Variants in NEK10 observed in about 807,000 individuals in gnomAD.
NEK10 encodes the protein NIMA related kinase 10.
NEK10 carries 122 observed loss-of-function variants against 159.8 expected under a neutral mutation model. The ratio of observed to expected loss-of-function variants is 0.76; its 90% confidence interval spans 0.66 to 0.89. NEK10 has a LOEUF of 0.89. Ranked by LOEUF, NEK10 falls within the 40% of genes least tolerant of loss-of-function variation. NEK10 has a pLI of 0.00. For synonymous variants in NEK10, 466 were observed against 457.1 expected (o/e 1.02, Z -0.25); for missense variants, 1,342 against 1,323.1 (o/e 1.01, Z -0.22).
At chr3:27,111,368 T>C (rs1939506441) in intron 35 of NEK10, 48 bp from the exon 36 acceptor site, 4 of 1,422,434 alleles carry the variant, frequency 2.8e-6, no homozygotes, top group Middle Eastern at 1.8e-4. Flanking sequence ...ACAAATATTT[T>C]AGTTCATACA....
chr3:27,254,837 C>T lies in NEK10; in HGVS notation c.2090+1459G>A, dbSNP rs147174600. Among the ~76,000 whole-genome samples, 727 of 151,666 alleles carry T rather than the reference C, an allele frequency of 4.8e-3. 4 individuals carry two copies. Among genetic ancestry groups the T allele is most frequent in the African/African-American group, 0.016 (678 of 41,328 alleles). ...TAAAAATTAAATGAAAATGTGAAGC[C>T]GTGTTTGCGCTAATACGGCAAAAAA... On this transcript the variant is annotated intron_variant, in intron 23 of 35. Coordinates refer to ENST00000691995, the MANE Select transcript of NEK10 (RefSeq NM_001394966.1).
At chr3:27,151,275 A>G (rs895370354) in intron 30 of NEK10, among the ~76,000 whole-genome samples, 1 of 152,098 alleles carries the variant, frequency 6.6e-6, no homozygotes, top group African/African-American at 2.4e-5. Flanking sequence ...CACCTCCACC[A>G]GAACAGGCAC....
chr3:27,166,573 C>T (rs544648247), intron 29 of NEK10, among the ~76,000 whole-genome samples: 8 of 152,168 alleles, frequency 5.3e-5, no homozygotes, highest in Non-Finnish European at 1.0e-4. Flanking sequence ...TTTTAAGAGG[C>T]AAGATCCACA....
chr3:27,277,876 T>C (rs2041882164), intron 22 of NEK10, among the ~76,000 whole-genome samples: 1 of 152,220 alleles, frequency 6.6e-6, no homozygotes, highest in Admixed American at 6.5e-5. Flanking sequence ...GTTTCCCATG[T>C]TCTGTCTTTC....
intron 31 of NEK10, among the ~76,000 whole-genome samples, chr3:27,133,498 G>A (rs1306858791): frequency 2.0e-5 from 3 of 152,138 alleles, no homozygotes; most frequent in African/African-American, 7.2e-5. Context: ...TCTTTGGCTG[G>A]GTGCAGTGGC....
chr3:27,326,565 AAAAAG>A (rs747509879), intron 5 of NEK10, among the ~76,000 whole-genome samples: 1 of 150,848 alleles, frequency 6.6e-6, no homozygotes, highest in Admixed American at 6.6e-5. Context: ...ACCTCCCAGG[AAAAAG>A]AAAAGAACAA....
At chr3:27,184,626 A>AGG (rs1948446767) in intron 26 of NEK10, among the ~76,000 whole-genome samples, 1 of 152,238 alleles carries the variant, frequency 6.6e-6, no homozygotes, top group Admixed American at 6.5e-5. Context: ...GAAGCCTATA[A>AGG]GGCATTGCTT....
At chr3:27,111,731 A>T (rs1939577918) in intron 35 of NEK10, among the ~76,000 whole-genome samples, 1 of 152,208 alleles carries the variant, frequency 6.6e-6, no homozygotes, top group African/African-American at 2.4e-5. Flanking sequence ...TTAAAAATAA[A>T]ATATTAATGT....
chr3:27,294,911 T>C (rs960816417), intron 15 of NEK10, among the ~76,000 whole-genome samples: 1 of 151,968 alleles, frequency 6.6e-6, no homozygotes, highest in Non-Finnish European at 1.5e-5. Flanking sequence ...ACTGTTCCCC[T>C]TTCTTACATG....
chr3:27,345,849 G>A (rs1333989642), intron 4 of NEK10, among the ~76,000 whole-genome samples: 1 of 152,158 alleles, frequency 6.6e-6, no homozygotes, highest in Non-Finnish European at 1.5e-5. Flanking sequence ...AATGCCAAAC[G>A]CATGTCAGCA....
intron 19 of NEK10, among the ~76,000 whole-genome samples, chr3:27,289,638 G>A (rs980245706): frequency 6.6e-6 from 1 of 152,080 alleles, no homozygotes; most frequent in Non-Finnish European, 1.5e-5. Context: ...ACCAAATTTG[G>A]GTCCAGATGA....
chr3:27,218,488 C>A (rs1172454772), intron 23 of NEK10, among the ~76,000 whole-genome samples: 1 of 151,640 alleles, frequency 6.6e-6, no homozygotes, highest in African/African-American at 2.4e-5. Context: ...GCCTTTAATC[C>A]CAGCTGCTCA....
intron 22 of NEK10, among the ~76,000 whole-genome samples, chr3:27,272,030 C>A (rs548377795): frequency 1.3e-5 from 2 of 152,118 alleles, no homozygotes; most frequent in Non-Finnish European, 2.9e-5. Context: ...CAAAAATGGC[C>A]TATAAAACTT....
At chr3:27,339,849 C>T (rs2047078659) in intron 5 of NEK10, among the ~76,000 whole-genome samples, 1 of 150,600 alleles carries the variant, frequency 6.6e-6, no homozygotes, top group South Asian at 2.1e-4. Flanking sequence ...ATTAAAAAGT[C>T]AGGAAACAAC....
At chr3:27,227,422 A>C (rs375890887) in intron 23 of NEK10, among the ~76,000 whole-genome samples, 1 of 152,202 alleles carries the variant, frequency 6.6e-6, no homozygotes, top group Non-Finnish European at 1.5e-5. Flanking sequence ...GCTCATTAGC[A>C]TAAAGGTTAG....
At chr3:27,148,902 A>G (rs983833596) in intron 30 of NEK10, among the ~76,000 whole-genome samples, 5 of 152,086 alleles carry the variant, frequency 3.3e-5, no homozygotes, top group African/African-American at 1.2e-4. Context: ...TTGTGAGATG[A>G]GTATCCATTT....
intron 23 of NEK10, among the ~76,000 whole-genome samples, chr3:27,250,132 G>T (rs1355347773): frequency 6.6e-6 from 1 of 151,658 alleles, no homozygotes; most frequent in East Asian, 1.9e-4. Flanking sequence ...TAAGCTAACA[G>T]TAGTTTATAT....
At chr3:27,334,536 G>C (rs1224980285) in intron 5 of NEK10, among the ~76,000 whole-genome samples, 1 of 152,124 alleles carries the variant, frequency 6.6e-6, no homozygotes, top group Non-Finnish European at 1.5e-5. Flanking sequence ...CTGAAGACTA[G>C]CCTACCTTGT....
At chr3:27,365,772 C>T (rs922285738) in intron 1 of NEK10, among the ~76,000 whole-genome samples, 7 of 151,806 alleles carry the variant, frequency 4.6e-5, no homozygotes, top group African/African-American at 1.5e-4. Flanking sequence ...GTCACCACAC[C>T]CAGCTAATTT....
Sources: gnomAD v4.1 joint callset for allele counts (sites outside exome capture counted in the v4.1 genomes callset) on GRCh38, gnomAD v4.1.1 for gene constraint, MANE v1.5 for transcripts, NCBI Gene and HGNC (gene_info 2026-07-23, HGNC 2026-07-21) for gene names.